OSBPL6: variants seen among roughly 807,000 people sequenced by gnomAD.
OSBPL6 encodes the protein oxysterol binding protein like 6.
Under a neutral mutation model 125.8 loss-of-function variants are expected in OSBPL6, and 49 were observed. The observed-to-expected ratio is 0.39, with a 90% confidence interval of 0.31 to 0.49. The LOEUF (loss-of-function observed/expected upper bound fraction) is 0.49, where lower values mean the gene tolerates loss of function less well. Ranked by LOEUF, OSBPL6 falls within the 20% of genes least tolerant of loss-of-function variation. OSBPL6 has a pLI of 0.88. For missense variants in OSBPL6, 986 were observed against 1,135.4 expected, an observed-to-expected ratio of 0.87 and a Z score of 1.89; for synonymous variants, 394 against 391.8, an observed-to-expected ratio of 1.01 and a Z score of -0.07.
Position 178,383,281 on chromosome 2 carries a change from A to G in OSBPL6, c.1875+4A>G. 1.2e-6 allele frequency: 2 copies of G among 1,613,380 alleles called. No homozygotes were observed. On this transcript the variant is annotated splice_donor_region_variant and intron_variant, in intron 17 of 24. Coordinates refer to ENST00000190611, the MANE Select transcript of OSBPL6 (RefSeq NM_032523.4). ...TGATGATCCATATGAGCGCATGGTAATAAATAACTAACAGAGCAGCGCCCC... is the reference window on the plus strand; with the variant it reads ...TGATGATCCATATGAGCGCATGGTAGTAAATAACTAACAGAGCAGCGCCCC...
intron 2 of OSBPL6, among the ~76,000 whole-genome samples, chr2:178,292,665 C>G (rs1443128268): frequency 6.6e-6 from 1 of 152,132 alleles, no homozygotes; most frequent in Non-Finnish European, 1.5e-5. Flanking sequence ...CCAGCAAAGT[C>G]TATTGAGTGT....
chr2:178,382,372 C>T, intron 15 of OSBPL6, 48 bp from the exon 16 acceptor site: 1 of 1,540,514 alleles, frequency 6.5e-7, no homozygotes, highest in Non-Finnish European at 8.7e-7. Flanking sequence ...TCTGAGCTTG[C>T]AAAACTGAAC....
At chr2:178,299,434 G>A (rs1686073244) in intron 2 of OSBPL6, among the ~76,000 whole-genome samples, 1 of 152,208 alleles carries the variant, frequency 6.6e-6, no homozygotes, top group South Asian at 2.1e-4. Flanking sequence ...TGTGTGATAA[G>A]TAAAGTATCT....
At chr2:178,298,302 C>T (rs552628660) in intron 2 of OSBPL6, among the ~76,000 whole-genome samples, 2 of 152,288 alleles carry the variant, frequency 1.3e-5, no homozygotes, top group Admixed American at 6.5e-5. Flanking sequence ...ACTTGGGTTG[C>T]TTCCGCATTT....
At chr2:178,343,937 G>A (rs186336476) in intron 11 of OSBPL6, among the ~76,000 whole-genome samples, 119 of 151,974 alleles carry the variant, frequency 7.8e-4, no homozygotes, top group African/African-American at 2.7e-3. Context: ...CCTTGCTACC[G>A]TTTATTGAAT....
chr2:178,290,424 G>T (rs1436537596), intron 2 of OSBPL6, among the ~76,000 whole-genome samples: 13 of 128,828 alleles, frequency 1.0e-4, no homozygotes, highest in African/African-American at 3.5e-4. Context: ...AATTGTAGTG[G>T]TTTTTTTTTT....
intron 1 of OSBPL6, among the ~76,000 whole-genome samples, chr2:178,252,976 C>T (rs1574637750): frequency 6.6e-6 from 1 of 152,178 alleles, no homozygotes; most frequent in South Asian, 2.1e-4. Flanking sequence ...ACAGAGTGGA[C>T]TAGACAGAAT....
rs1689366862 is a variant in OSBPL6 at position 178,333,055 on chromosome 2, C to T, written c.657+14C>T. The T allele has an allele frequency of 3.1e-6, 5 of 1,610,820 alleles. No individual in the cohort carries two copies. Among genetic ancestry groups the T allele is most frequent in the East Asian group, 2.2e-5 (1 of 44,826 alleles). ...ATGGATGGAAAGGTATGACTTTGTT[C>T]TATAAAAACCAGCCTGAAAATTGCT... On this transcript the variant is annotated intron_variant, in intron 8 of 24. Coordinates refer to ENST00000190611, the MANE Select transcript of OSBPL6 (RefSeq NM_032523.4).
Position 178,332,976 on chromosome 2 carries a change from A to C in OSBPL6, c.592A>C (p.Ile198Leu). The C allele has an allele frequency of 6.2e-7, 1 of 1,614,204 alleles. No homozygotes were observed. Among genetic ancestry groups the C allele is most frequent in the Non-Finnish European group, 8.5e-7 (1 of 1,180,014 alleles). ...ATCACCAAGAGATGCTAGTTTTCAC[A>C]TATTTCCTTCAACGTCCACAGCTGA... is the stretch of plus-strand genomic sequence containing the variant. The part of the protein sequence containing the change: ...VRSPRDASFH[I>L]FPSTSTAESS... Residue 198 changes from isoleucine to leucine, a missense_variant, in exon 8 of 25, where the codon ATA becomes CTA. Transcript: ENST00000190611.
chr2:178,227,252 T>G (rs1470660506), intron 1 of OSBPL6, among the ~76,000 whole-genome samples: 2 of 152,208 alleles, frequency 1.3e-5, no homozygotes, highest in East Asian at 3.8e-4. Context: ...GTCACTGCCA[T>G]AAAGATGCCA....
At chr2:178,387,610 C>T (rs1404869300) in intron 20 of OSBPL6, among the ~76,000 whole-genome samples, 3 of 152,124 alleles carry the variant, frequency 2.0e-5, no homozygotes, top group Non-Finnish European at 4.4e-5. Flanking sequence ...ATTGTTTCTT[C>T]GGTTTTACCT....
At chr2:178,305,317 A>T (rs1303728833) in intron 2 of OSBPL6, among the ~76,000 whole-genome samples, 1 of 152,210 alleles carries the variant, frequency 6.6e-6, no homozygotes, top group African/African-American at 2.4e-5. Flanking sequence ...TCTCTCTGAC[A>T]CAAGCTTTAA....
At position 178,383,242 on chromosome 2, in the gene OSBPL6, A is replaced by G. The variant is rs1242550452; in HGVS notation, c.1840A>G (p.Lys614Glu). The G allele has an allele frequency of 3.1e-6, 5 of 1,614,082 alleles. No homozygotes were observed. The highest frequency in any genetic ancestry group is 1.3e-5 in the African/African-American group (1 of 74,940). Residue 614 changes from lysine to glutamate, a missense_variant, in exon 17 of 25, where the codon AAG (lysine) becomes GAG (glutamate). Physicochemically the swap from Lys to Glu is moderately conservative, Grantham distance 56. Around this residue, in one of 3 missense-constraint regions of OSBPL6, gnomAD observed 843 missense variants for 997.3 expected, o/e 0.85. Transcript: ENST00000190611. ...AATGGAATACAGCGAGCTCCTGGAC[A>G]AGGCTTCGGAAACTGATGATCCATA... ...EEMEYSELLD[K>E]ASETDDPYER... is the part of the protein sequence containing the mutation.
chr2:178,268,362 G>A (rs150994401), intron 1 of OSBPL6, among the ~76,000 whole-genome samples: 1,764 of 152,176 alleles, frequency 0.012, 31 homozygotes, highest in African/African-American at 0.041. Context: ...GATTATAGGC[G>A]TGAACCACTG....
chr2:178,310,358 T>C (rs1218487810), intron 3 of OSBPL6, among the ~76,000 whole-genome samples: 1 of 152,056 alleles, frequency 6.6e-6, no homozygotes, highest in Non-Finnish European at 1.5e-5. Flanking sequence ...CAAGGGTGAT[T>C]TCAACTTGGA....
At chr2:178,392,639 T>C (rs1354835488) in intron 23 of OSBPL6, 101 bp downstream of exon 23, 13 of 1,443,580 alleles carry the variant, frequency 9.0e-6, no homozygotes, top group Non-Finnish European at 9.3e-6. Context: ...GAAGATCACT[T>C]GAGGTCAGGA....
At chr2:178,377,520 A>G (rs1162628740) in intron 15 of OSBPL6, among the ~76,000 whole-genome samples, 1 of 152,168 alleles carries the variant, frequency 6.6e-6, no homozygotes, top group Non-Finnish European at 1.5e-5. Flanking sequence ...GTCTCCCCAG[A>G]AGGCTCCTCA....
At position 178,380,290 on chromosome 2, in the gene OSBPL6, T is replaced by A. The variant is rs535480776; in HGVS notation, c.1534-2130T>A. Among the ~76,000 whole-genome samples, 588 of 151,176 alleles carry A rather than the reference T, an allele frequency of 3.9e-3. 6 individuals are homozygous for A. The highest frequency in any genetic ancestry group is 0.017 in the Middle Eastern group (5 of 294). On this transcript the variant is annotated intron_variant, in intron 15 of 24. Coordinates refer to ENST00000190611, the MANE Select transcript of OSBPL6 (RefSeq NM_032523.4). ...AAGACCCTTCATCTCTAAAAAAAAA[T>A]TTATTTTTTAATTGGCAAGGCATGG...
At chr2:178,300,516 A>G (rs929387984) in intron 2 of OSBPL6, among the ~76,000 whole-genome samples, 2 of 152,242 alleles carry the variant, frequency 1.3e-5, no homozygotes, top group Admixed American at 6.5e-5. Flanking sequence ...GTGGGAGTGC[A>G]GTGGTATGAT....
Sources: allele counts gnomAD v4.1 joint callset (sites outside exome capture counted in the v4.1 genomes callset), GRCh38; gene constraint gnomAD v4.1.1; regional missense constraint gnomAD v4.1.1; transcripts MANE v1.5; gene names NCBI Gene and HGNC (gene_info 2026-07-23, HGNC 2026-07-21).